The following RGPD5 variants were observed in gnomAD, a reference collection of about 807,000 sequenced individuals.
RGPD5 encodes the protein RANBP2-like and GRIP domain-containing protein 5/6.
chr2:109,764,240 C>T, the RGPD5 span, among the ~76,000 whole-genome samples: 2 of 149,220 alleles, frequency 1.3e-5, no homozygotes, highest in African/African-American at 4.9e-5. Context: ...TAGCTTTGTT[C>T]TGTAGAGTCT....
chr2:109,760,861 C>T, the RGPD5 span, among the ~76,000 whole-genome samples: 2 of 111,142 alleles, frequency 1.8e-5, 1 homozygote, highest in Admixed American at 2.2e-4. Context: ...CCGGGTGCTC[C>T]GGGCGGCCGG....
the RGPD5 span, among the ~76,000 whole-genome samples, chr2:109,765,466 GT>G: frequency 6.6e-6 from 1 of 150,434 alleles, no homozygotes; most frequent in Non-Finnish European, 1.5e-5. Flanking sequence ...AGGACAGTGT[GT>G]TTTTTGGGAA....
chr2:109,766,855 C>T, the RGPD5 span, among the ~76,000 whole-genome samples: 2 of 149,982 alleles, frequency 1.3e-5, no homozygotes, highest in African/African-American at 2.4e-5. Context: ...CCGTAAAAGA[C>T]GATTTTAATA....
At chr2:109,766,916 A>G in the RGPD5 span, among the ~76,000 whole-genome samples, 3 of 148,502 alleles carry the variant, frequency 2.0e-5, no homozygotes, top group Non-Finnish European at 4.4e-5. Flanking sequence ...TCAAAGTGAA[A>G]TCCATAAAAC....
the RGPD5 span, among the ~76,000 whole-genome samples, chr2:109,766,709 T>TA: frequency 1.7e-5 from 2 of 114,950 alleles, no homozygotes; most frequent in African/African-American, 4.1e-5. Context: ...ATAGGCAAAT[T>TA]AAGAAAAAAA....
At chr2:109,774,540 A>AAATATATAT in the RGPD5 span, among the ~76,000 whole-genome samples, 1 of 76,142 alleles carries the variant, frequency 1.3e-5, no homozygotes, top group Non-Finnish European at 2.3e-5. Context: ...ATTATATATA[A>AAATATATAT]AATATATATA....
At chr2:109,774,541 A>T in the RGPD5 span, among the ~76,000 whole-genome samples, 2 of 93,796 alleles carry the variant, frequency 2.1e-5, no homozygotes, top group South Asian at 3.4e-4. Context: ...TTATATATAA[A>T]ATATATATAA....
At chr2:109,778,183 A>G in the RGPD5 span, among the ~76,000 whole-genome samples, 1 of 139,412 alleles carries the variant, frequency 7.2e-6, no homozygotes, top group African/African-American at 2.7e-5. Context: ...ATCTGCCTCT[A>G]TAGAATCCCT....
the RGPD5 span, among the ~76,000 whole-genome samples, chr2:109,767,001 T>C: frequency 1.4e-5 from 2 of 142,488 alleles, no homozygotes; most frequent in African/African-American, 5.3e-5. Context: ...GCCCCAACCT[T>C]GCTTTCTGTT....
chr2:109,760,800 G>A, the RGPD5 span, among the ~76,000 whole-genome samples: 1 of 140,208 alleles, frequency 7.1e-6, no homozygotes, highest in African/African-American at 2.6e-5. Flanking sequence ...CGCTTCGGGC[G>A]GGCGGGAGCG....
chr2:109,761,451 G>A, the RGPD5 span, among the ~76,000 whole-genome samples: 1 of 149,430 alleles, frequency 6.7e-6, no homozygotes, highest in East Asian at 2.1e-4. Context: ...CCACCCGGGC[G>A]CCCCAGGTAT....
At chr2:109,763,128 G>T in the RGPD5 span, among the ~76,000 whole-genome samples, 1 of 150,026 alleles carries the variant, frequency 6.7e-6, no homozygotes, top group Non-Finnish European at 1.5e-5. Flanking sequence ...GTAAGTGGTA[G>T]TAGTTCCATT....
chr2:109,760,688 A>G, the RGPD5 span, among the ~76,000 whole-genome samples: 2 of 142,934 alleles, frequency 1.4e-5, no homozygotes, highest in Non-Finnish European at 3.1e-5. Context: ...CGGCGGCGGT[A>G]GCGGCGGCGG....
the RGPD5 span, among the ~76,000 whole-genome samples, chr2:109,774,879 TG>T: frequency 2.8e-4 from 19 of 68,450 alleles, 2 homozygotes; most frequent in Non-Finnish European, 4.7e-4. Context: ...AACAACTGTT[TG>T]CCACATCTGG....
the RGPD5 span, among the ~76,000 whole-genome samples, chr2:109,761,458 G>C: frequency 1.3e-5 from 2 of 148,962 alleles, 1 homozygote; most frequent in Admixed American, 1.4e-4. Context: ...GGCGCCCCAG[G>C]TATCCCTTTG....
the RGPD5 span, among the ~76,000 whole-genome samples, chr2:109,761,653 A>G: frequency 2.8e-5 from 4 of 145,240 alleles, no homozygotes; most frequent in Non-Finnish European, 6.0e-5. Flanking sequence ...TGCTCCCCCC[A>G]ACCCGCCACT....
At chr2:109,763,457 A>G in the RGPD5 span, among the ~76,000 whole-genome samples, 1 of 150,216 alleles carries the variant, frequency 6.7e-6, no homozygotes, top group Non-Finnish European at 1.5e-5. Flanking sequence ...CAGTCAGACA[A>G]TTGCCATTTT....
the RGPD5 span, among the ~76,000 whole-genome samples, chr2:109,767,235 G>A: frequency 6.8e-6 from 1 of 147,030 alleles, no homozygotes; most frequent in Non-Finnish European, 1.5e-5. Context: ...GCCGCATAAG[G>A]TCAGATTCAG....
intron 1 of RGPD5, among the ~76,000 whole-genome samples, chr2:109,799,193 C>G (rs1262337705): frequency 4.5e-5 from 4 of 89,838 alleles, no homozygotes; most frequent in Non-Finnish European, 6.1e-5. Context: ...GAGCTGAGAT[C>G]GAGCCACCGC....
Sources: gnomAD v4.1 joint callset for allele counts (sites outside exome capture counted in the v4.1 genomes callset) on GRCh38, gnomAD v4.1.1 for gene constraint, MANE v1.5 for transcripts, NCBI Gene and HGNC (gene_info 2026-07-23, HGNC 2026-07-21) for gene names.